CHRM3: variants seen among roughly 807,000 people sequenced by gnomAD.
CHRM3 encodes the protein cholinergic receptor muscarinic 3, also known as muscarinic acetylcholine receptor M3.
A neutral mutation model predicts 41.8 loss-of-function variants in CHRM3; 11 were observed. The ratio of observed to expected loss-of-function variants is 0.26; its 90% CI spans 0.17 to 0.44. CHRM3 has a LOEUF of 0.44. Ranked by LOEUF, CHRM3 falls within the 20% of genes least tolerant of loss-of-function variation. The probability of loss-of-function intolerance (pLI) is 1.00; values close to 1 mark genes in which losing one functional copy is unlikely to be tolerated. For missense variants in CHRM3, 571 were observed against 745.4 expected (o/e 0.77, Z 2.72); for synonymous variants, 297 against 301.4 (o/e 0.99, Z 0.15).
At chr1:239,753,270 G>A (rs1040960403) in intron 5 of CHRM3, among the ~76,000 whole-genome samples, 1 of 151,952 alleles carries the variant, frequency 6.6e-6, no homozygotes, top group Non-Finnish European at 1.5e-5. Context: ...TGATCTAGAG[G>A]GATACCTAAT....
At chr1:239,431,414 G>C (rs568816138) in intron 1 of CHRM3, among the ~76,000 whole-genome samples, 30 of 152,158 alleles carry the variant, frequency 2.0e-4, no homozygotes, top group Non-Finnish European at 4.1e-4. Context: ...GGCAAATAAT[G>C]AAATTAACAA....
intron 1 of CHRM3, among the ~76,000 whole-genome samples, chr1:239,407,417 T>TATATAGAGAGAGAGAG: frequency 7.5e-6 from 1 of 134,050 alleles, no homozygotes; most frequent in African/African-American, 2.5e-5. Flanking sequence ...TATATATATA[T>TATATAGAGAGAGAGAG]AGAGAGAGAG....
chr1:239,847,005 G>A (rs1162095258), intron 6 of CHRM3, among the ~76,000 whole-genome samples: 1 of 152,170 alleles, frequency 6.6e-6, no homozygotes, highest in Non-Finnish European at 1.5e-5. Flanking sequence ...TTAGAAGCAG[G>A]CTAAGCTGAT....
intron 1 of CHRM3, among the ~76,000 whole-genome samples, chr1:239,417,626 TG>T (rs1293882252): frequency 2.1e-4 from 32 of 148,960 alleles, no homozygotes; most frequent in Non-Finnish European, 3.7e-4. Flanking sequence ...CACCTACATA[TG>T]TATACGGATT....
At position 239,533,094 on chromosome 1, in the gene CHRM3, A is replaced by T. The variant is rs576425003; in HGVS notation, c.-421-12547A>T. ...ACCTCAAGTTTTTGTCTTTTTTTTT[A>T]GAACAGAAAAACATTCTGTCCCTTC... On this transcript the variant is annotated intron_variant, in intron 2 of 6. Transcript: ENST00000676153. Among the ~76,000 whole-genome samples the T allele has an allele frequency of 5.9e-5, 9 of 152,062 alleles. No homozygotes were observed. The South Asian group carries it at 1.9e-3, about 32-fold the overall frequency.
chr1:239,597,440 C>T (rs1300101418), intron 3 of CHRM3, among the ~76,000 whole-genome samples: 5 of 152,216 alleles, frequency 3.3e-5, no homozygotes, highest in South Asian at 2.1e-4. Context: ...AGTTATTAAG[C>T]CATATCACAG....
At chr1:239,584,110 T>TC (rs762395061) in intron 3 of CHRM3, among the ~76,000 whole-genome samples, 8 of 103,980 alleles carry the variant, frequency 7.7e-5, no homozygotes, top group South Asian at 2.9e-4. Context: ...TTCTTCTTCT[T>TC]TTTTTTTTTT....
At position 239,777,753 on chromosome 1, in the gene CHRM3, T is replaced by C. The variant is rs192678683; in HGVS notation, c.-146-49499T>C. Among the ~76,000 whole-genome samples the C allele has an allele frequency of 2.0e-5, 3 of 152,272 alleles. No homozygotes were observed. In the East Asian group the frequency reaches 5.8e-4, roughly 29 times the overall value. ...AAAAAAGCGAAGAAATGAACATTCA[T>C]AGAGAGTTGTGAAAAGGTTTAAAAC... On this transcript the variant is annotated intron_variant, in intron 5 of 6. Transcript: ENST00000676153.
intron 1 of CHRM3, among the ~76,000 whole-genome samples, chr1:239,422,971 G>A (rs1322487049): frequency 2.0e-5 from 3 of 151,892 alleles, no homozygotes; most frequent in Non-Finnish European, 4.4e-5. Flanking sequence ...AGGAGAGGGC[G>A]GGCTTCAAAG....
intron 3 of CHRM3, among the ~76,000 whole-genome samples, chr1:239,612,528 A>G (rs16838567): frequency 0.016 from 2,424 of 152,310 alleles, 127 homozygotes; most frequent in East Asian, 0.14. Context: ...ATCCACAGAT[A>G]AATAGACACC....
chr1:239,412,432 A>G (rs1394730444), intron 1 of CHRM3, among the ~76,000 whole-genome samples: 2 of 141,840 alleles, frequency 1.4e-5, no homozygotes. Flanking sequence ...GGCCTGCCGT[A>G]TAGCGATAGT....
At chr1:239,646,963 T>C (rs1222096743) in intron 4 of CHRM3, among the ~76,000 whole-genome samples, 9 of 152,024 alleles carry the variant, frequency 5.9e-5, no homozygotes, top group Non-Finnish European at 1.2e-4. Flanking sequence ...CGAATGGGAG[T>C]GAGGAAAGGA....
chr1:239,874,563 A>G (rs1244458265), intron 6 of CHRM3, among the ~76,000 whole-genome samples: 1 of 151,724 alleles, frequency 6.6e-6, no homozygotes, highest in Non-Finnish European at 1.5e-5. Context: ...ATGATAATGA[A>G]GGAAAGCCGT....
At chr1:239,818,062 G>A (rs1572391621) in intron 5 of CHRM3, among the ~76,000 whole-genome samples, 3 of 152,128 alleles carry the variant, frequency 2.0e-5, no homozygotes, top group African/African-American at 4.8e-5. Context: ...CGGCTTAAAC[G>A]AAGGACATTT....
At chr1:239,747,150 A>G (rs1044499037) in intron 5 of CHRM3, among the ~76,000 whole-genome samples, 1 of 152,208 alleles carries the variant, frequency 6.6e-6, no homozygotes, top group Non-Finnish European at 1.5e-5. Context: ...CTTTTATATC[A>G]TGTAAAAATA....
At chr1:239,809,396 G>A (rs1340025455) in intron 5 of CHRM3, among the ~76,000 whole-genome samples, 1 of 152,096 alleles carries the variant, frequency 6.6e-6, no homozygotes, top group African/African-American at 2.4e-5. Flanking sequence ...TGAACCCAAT[G>A]TCTGTTCGCC....
In CHRM3 at chr1:239,632,558, G is replaced by T. The variant is rs184291667; in HGVS notation, c.-250+272G>T. Among the ~76,000 whole-genome samples the T allele has an allele frequency of 1.4e-3, 211 of 152,266 alleles. 1 individual carries two copies. The highest frequency in any genetic ancestry group is 3.4e-3 in the Middle Eastern group (1 of 290). On this transcript the variant is annotated intron_variant, in intron 4 of 6. Coordinates refer to ENST00000676153, the MANE Select transcript of CHRM3 (RefSeq NM_001375978.1). ...AAATGCACATTTGTATTTAACTGTA[G>T]CAATGTGGAATTTTTTGAAATATTG...
rs550993939 is a variant in CHRM3 at position 239,650,192 on chromosome 1, CACACTTCTTCTGTA to C, written c.-250+17910_-250+17923del. Among the ~76,000 whole-genome samples, 330 of 152,288 alleles carry C rather than the reference CACACTTCTTCTGTA, an allele frequency of 2.2e-3. 1 individual carries two copies. Among genetic ancestry groups the C allele is most frequent in the African/African-American group, 7.7e-3 (320 of 41,560 alleles). ...TTAAGCACTAAGCCCTTCCTGCCTCCACACTTCTTCTGTAACATGGAGATGATTAAATGATTCTT... is the reference window on the plus strand; with the variant it reads ...TTAAGCACTAAGCCCTTCCTGCCTCCACATGGAGATGATTAAATGATTCTT... On this transcript the variant is annotated intron_variant, in intron 4 of 6. Transcript: ENST00000676153.
chr1:239,535,227 G>A (rs1658077439), intron 2 of CHRM3, among the ~76,000 whole-genome samples: 1 of 152,050 alleles, frequency 6.6e-6, no homozygotes, highest in African/African-American at 2.4e-5. Context: ...CCGTGCCAGT[G>A]GCCCACACTG....
Sources: allele counts gnomAD v4.1 joint callset (sites outside exome capture counted in the v4.1 genomes callset), GRCh38; gene constraint gnomAD v4.1.1; transcripts MANE v1.5; gene names NCBI Gene and HGNC (gene_info 2026-07-23, HGNC 2026-07-21).